The following CADPS2 variants were observed in gnomAD, a reference collection of about 807,000 sequenced individuals.
CADPS2 encodes calcium dependent secretion activator 2, also known as calcium-dependent secretion activator 2.
A neutral mutation model predicts 172.5 loss-of-function variants in CADPS2; 93 were observed. That is an observed-to-expected ratio of 0.54 (90% confidence interval 0.46 to 0.64). The LOEUF is 0.64. CADPS2 is among the 30% of genes least tolerant of loss of function. The pLI is 0.00. For missense variants in CADPS2, 1,420 were observed against 1,565.9 expected (o/e 0.91, Z 1.57); for synonymous variants, 546 against 555.2 (o/e 0.98, Z 0.23).
At chr7:122,637,568 C>T (rs113910555) in intron 3 of CADPS2, among the ~76,000 whole-genome samples, 300 of 152,268 alleles carry the variant, frequency 2.0e-3, no homozygotes, top group African/African-American at 6.8e-3. Context: ...GGCTGTTTTA[C>T]GGAATTCCTT....
At chr7:122,735,314 C>T (rs2092070663) in intron 2 of CADPS2, among the ~76,000 whole-genome samples, 1 of 152,120 alleles carries the variant, frequency 6.6e-6, no homozygotes, top group South Asian at 2.1e-4. Flanking sequence ...AATCTGTCTA[C>T]AGGCTAAACA....
At chr7:122,480,193 GA>G (rs2057125651) in intron 12 of CADPS2, 6 of 451,374 alleles carry the variant, frequency 1.3e-5, no homozygotes, top group Admixed American at 2.5e-5. Flanking sequence ...GAGAGTCAAA[GA>G]AAAAAAGAAG....
intron 2 of CADPS2, among the ~76,000 whole-genome samples, chr7:122,706,371 A>C: frequency 1.0e-5 from 1 of 96,934 alleles, no homozygotes; most frequent in African/African-American, 3.8e-5. Context: ...ATATTCAAGG[A>C]ATATATATAT....
chr7:122,580,388 G>A (rs529289571), intron 7 of CADPS2, among the ~76,000 whole-genome samples: 1 of 151,034 alleles, frequency 6.6e-6, no homozygotes, highest in Non-Finnish European at 1.5e-5. Flanking sequence ...CTAGGAGGTG[G>A]GTTGCAATGA....
At chr7:122,640,438 C>T (rs918050538) in intron 3 of CADPS2, among the ~76,000 whole-genome samples, 2 of 149,380 alleles carry the variant, frequency 1.3e-5, no homozygotes, top group Non-Finnish European at 3.0e-5. Context: ...ACCATCAGAA[C>T]TTAAATAAGT....
intron 1 of CADPS2, among the ~76,000 whole-genome samples, chr7:122,778,487 T>C (rs754649468): frequency 3.9e-5 from 6 of 152,120 alleles, no homozygotes; most frequent in Non-Finnish European, 8.8e-5. Flanking sequence ...GGGGTAAATG[T>C]CTCCAGGGCA....
At chr7:122,580,452 CAA>C (rs34849650) in intron 7 of CADPS2, among the ~76,000 whole-genome samples, 3 of 133,418 alleles carry the variant, frequency 2.2e-5, no homozygotes, top group Non-Finnish European at 3.2e-5. Context: ...GATTCTGTCT[CAA>C]AAAAAAAAAA....
In CADPS2 at chr7:122,645,438, T is replaced by C. The variant is rs180711043; in HGVS notation, c.787-16110A>G. Among the ~76,000 whole-genome samples, 64 of 63,682 alleles carry C rather than the reference T, an allele frequency of 1.0e-3. 3 individuals carry two copies. The highest frequency in any genetic ancestry group is 2.2e-3 in the African/African-American group (44 of 19,608). 41.8% of individuals were successfully genotyped at this position (63,682 alleles called of 152,430 possible). A position where few individuals can be genotyped will look rare whatever the true frequency, so the allele number is the denominator to read the frequency against. Reference sequence around the variant, plus strand: ...ACATGTATATGTGTGTATATATGTATATATACACACACATATGTATATATG... The same window carrying C: ...ACATGTATATGTGTGTATATATGTACATATACACACACATATGTATATATG... On this transcript the variant is annotated intron_variant, in intron 3 of 29. Transcript: ENST00000449022.
At chr7:122,545,536 A>G (rs1310545799) in intron 8 of CADPS2, among the ~76,000 whole-genome samples, 1 of 151,916 alleles carries the variant, frequency 6.6e-6, no homozygotes, top group Non-Finnish European at 1.5e-5. Flanking sequence ...GGCACTTGGG[A>G]AGCAACTGAA....
At chr7:122,679,685 C>A (rs964128711) in intron 2 of CADPS2, among the ~76,000 whole-genome samples, 1 of 152,064 alleles carries the variant, frequency 6.6e-6, no homozygotes, top group African/African-American at 2.4e-5. Flanking sequence ...CGGAACCTGC[C>A]GACATATTAT....
At chr7:122,817,276 G>T (rs1013241892) in intron 1 of CADPS2, among the ~76,000 whole-genome samples, 1 of 152,092 alleles carries the variant, frequency 6.6e-6, no homozygotes, top group African/African-American at 2.4e-5. Flanking sequence ...TACAACCTCA[G>T]GTCCTCAGAC....
chr7:122,874,803 T>C (rs1402414340), intron 1 of CADPS2, among the ~76,000 whole-genome samples: 1 of 152,124 alleles, frequency 6.6e-6, no homozygotes, highest in Non-Finnish European at 1.5e-5. Context: ...ATTTAATAAA[T>C]GGTGTTGGGA....
intron 1 of CADPS2, among the ~76,000 whole-genome samples, chr7:122,815,921 A>G (rs13226818): frequency 0.2 from 30,202 of 152,130 alleles, 3,116 homozygotes; most frequent in Middle Eastern, 0.3. Flanking sequence ...CATATTTAGG[A>G]GTACATGTGA....
At chr7:122,497,348 A>C (rs1301470679) in intron 9 of CADPS2, among the ~76,000 whole-genome samples, 1 of 152,170 alleles carries the variant, frequency 6.6e-6, no homozygotes, top group Non-Finnish European at 1.5e-5. Context: ...CTATTATCTT[A>C]TCTTGCCCTT....
intron 28 of CADPS2, among the ~76,000 whole-genome samples, chr7:122,343,153 A>G (rs1563106838): frequency 6.6e-6 from 1 of 152,200 alleles, no homozygotes; most frequent in East Asian, 1.9e-4. Context: ...ATGACAAATC[A>G]ATAGAATTAG....
At chr7:122,677,138 T>A (rs1247094831) in intron 2 of CADPS2, among the ~76,000 whole-genome samples, 22 of 152,204 alleles carry the variant, frequency 1.4e-4, no homozygotes, top group Admixed American at 1.4e-3. Flanking sequence ...TTTGCTTCCT[T>A]CCTAGAGCTT....
intron 11 of CADPS2, among the ~76,000 whole-genome samples, chr7:122,482,739 C>T (rs1303887194): frequency 6.6e-6 from 1 of 152,052 alleles, no homozygotes; most frequent in East Asian, 1.9e-4. Flanking sequence ...CAGTGGTCTC[C>T]CTGAGTTCAA....
chr7:122,737,077 A>G lies in CADPS2; in HGVS notation c.340-9T>C. 8 of 1,488,290 alleles carry G rather than the reference A, an allele frequency of 5.4e-6. No homozygotes were observed. Among genetic ancestry groups the G allele is most frequent in the Non-Finnish European group, 6.6e-6 (7 of 1,068,156 alleles). 92.2% of individuals were successfully genotyped at this position (1,488,290 alleles called of 1,614,324 possible). A position where few individuals can be genotyped will look rare whatever the true frequency, so the allele number is the denominator to read the frequency against. The stretch of plus-strand genomic sequence containing the variant: ...AACTGTTGTTTGTTAAGCTACAAGA[A>G]AAAGAGAAAATAAGCAGATAAATTG... On this transcript the variant is annotated splice_polypyrimidine_tract_variant and intron_variant, in intron 1 of 29. Transcript: ENST00000449022.
At chr7:122,517,963 TTTG>T (rs985054729) in intron 8 of CADPS2, among the ~76,000 whole-genome samples, 15 of 152,130 alleles carry the variant, frequency 9.9e-5, no homozygotes, top group African/African-American at 3.6e-4. Context: ...ATTACTATTC[TTTG>T]TTGTTGTTGT....
Sources: allele counts gnomAD v4.1 joint callset (sites outside exome capture counted in the v4.1 genomes callset), GRCh38; gene constraint gnomAD v4.1.1; transcripts MANE v1.5; gene names NCBI Gene and HGNC (gene_info 2026-07-23, HGNC 2026-07-21).